DIP2C: variants seen among roughly 807,000 people sequenced by gnomAD.
The protein encoded by DIP2C is DIP2 acetate--CoA ligase C (putative).
Under a neutral mutation model 192.4 loss-of-function variants are expected in DIP2C, and 33 were observed. That is an observed-to-expected ratio of 0.17 (90% CI 0.13 to 0.23). The LOEUF is 0.23. DIP2C is among the 10% of genes least tolerant of loss of function. The pLI is 1.00. For synonymous variants in DIP2C, 979 were observed against 864.1 expected, an observed-to-expected ratio of 1.13 and a Z score of -2.33; for missense variants, 1,537 against 2,110.1, an observed-to-expected ratio of 0.73 and a Z score of 5.32.
At chr10:514,114 C>A (rs1376554703) in intron 1 of DIP2C, among the ~76,000 whole-genome samples, 1 of 152,170 alleles carries the variant, frequency 6.6e-6, no homozygotes, top group Non-Finnish European at 1.5e-5. Context: ...CTGGCCACCT[C>A]GGGGGGACAG....
intron 1 of DIP2C, among the ~76,000 whole-genome samples, chr10:559,673 G>C (rs939339862): frequency 2.6e-5 from 4 of 152,174 alleles, no homozygotes; most frequent in Admixed American, 2.0e-4. Flanking sequence ...AAGGAGTACA[G>C]ACCAGCTACC....
At chr10:412,240 C>T (rs1284191315) in intron 8 of DIP2C, among the ~76,000 whole-genome samples, 1 of 152,174 alleles carries the variant, frequency 6.6e-6, no homozygotes, top group Non-Finnish European at 1.5e-5. Flanking sequence ...AGTTCTGTGC[C>T]AATGCATACT....
intron 4 of DIP2C, among the ~76,000 whole-genome samples, chr10:432,240 T>C (rs1281168225): frequency 1.3e-5 from 2 of 152,234 alleles, no homozygotes; most frequent in African/African-American, 4.8e-5. Context: ...TCAGCTTTTA[T>C]GTTCTGAAAG....
intron 1 of DIP2C, among the ~76,000 whole-genome samples, chr10:511,065 A>G (rs1845981791): frequency 6.6e-6 from 1 of 152,224 alleles, no homozygotes; most frequent in South Asian, 2.1e-4. Flanking sequence ...GACACACGTA[A>G]GTCTTTCTTG....
At chr10:409,126 G>C in intron 8 of DIP2C, 109 bp from the exon 9 acceptor site, 1 of 1,065,994 alleles carries the variant, frequency 9.4e-7, no homozygotes, top group Non-Finnish European at 1.3e-6. Flanking sequence ...GCGTATCATG[G>C]TCTGCAAGCG....
In DIP2C at chr10:651,448, T is replaced by C. The variant is rs964116469; in HGVS notation, c.85+38046A>G. On this transcript the variant is annotated intron_variant, in intron 1 of 36. Transcript: ENST00000280886. The surrounding 1 kb of genome is among the most constrained non-coding windows in gnomAD (Gnocchi z 4.1). ...AGTATGTTAAGTCGTTAAGTAAAAA[T>C]AGCAGAAGACTTAGTAGAATGTATG... 2.1e-4 allele frequency: 144 copies of C among 676,914 alleles called. No homozygotes were observed. In the Admixed American group the frequency reaches 2.9e-3, roughly 14 times the overall value. 41.9% of individuals were successfully genotyped at this position (676,914 alleles called of 1,614,324 possible). A position where few individuals can be genotyped will look rare whatever the true frequency, so the allele number is the denominator to read the frequency against.
chr10:513,765 T>A (rs1021988064), intron 1 of DIP2C, among the ~76,000 whole-genome samples: 4 of 151,958 alleles, frequency 2.6e-5, no homozygotes, highest in Non-Finnish European at 5.9e-5. Flanking sequence ...TTGTAACTGG[T>A]AGAATCATGT....
Position 400,725 on chromosome 10 carries a change from GTAGCAT to G in DIP2C, c.1150-1512_1150-1507del, listed in dbSNP as rs552654147. Reference sequence around the variant, plus strand: ...TGAATCCTGTGATTTTACACGTGTGGTAGCATTAGCATTACTCTTCTTTATGGACAA... The same window carrying G: ...TGAATCCTGTGATTTTACACGTGTGGTAGCATTACTCTTCTTTATGGACAA... On this transcript the variant is annotated intron_variant, in intron 9 of 36. Coordinates refer to ENST00000280886, the MANE Select transcript of DIP2C (RefSeq NM_014974.3). Among the ~76,000 whole-genome samples, 1,118 of 150,628 alleles carry G rather than the reference GTAGCAT, an allele frequency of 7.4e-3. 17 individuals are homozygous for G. The highest frequency in any genetic ancestry group is 0.027 in the African/African-American group (1,082 of 40,780).
At chr10:492,132 G>A (rs1844492460) in intron 1 of DIP2C, among the ~76,000 whole-genome samples, 1 of 152,196 alleles carries the variant, frequency 6.6e-6, no homozygotes, top group Non-Finnish European at 1.5e-5. Context: ...AGACGCCGCG[G>A]GCCCCCGTGT....
At chr10:525,537 G>A (rs1470234445) in intron 1 of DIP2C, among the ~76,000 whole-genome samples, 2 of 152,152 alleles carry the variant, frequency 1.3e-5, no homozygotes, top group African/African-American at 4.8e-5. Context: ...GTAAAAATTC[G>A]AGCTGATTGG....
At chr10:290,923 C>T (rs562109394) in intron 32 of DIP2C, among the ~76,000 whole-genome samples, 1 of 152,360 alleles carries the variant, frequency 6.6e-6, no homozygotes, top group African/African-American at 2.4e-5. Flanking sequence ...GGAGCTGTCG[C>T]TACAGGGATG....
At chr10:359,857 C>A (rs1959233101) in intron 22 of DIP2C, among the ~76,000 whole-genome samples, 1 of 152,182 alleles carries the variant, frequency 6.6e-6, no homozygotes, top group Non-Finnish European at 1.5e-5. Context: ...CTGGGCTCCA[C>A]TGATTCTCCC....
chr10:370,600 T>C (rs1159242701), intron 17 of DIP2C, among the ~76,000 whole-genome samples: 2 of 152,224 alleles, frequency 1.3e-5, no homozygotes, highest in Non-Finnish European at 2.9e-5. Flanking sequence ...TGTCTAGCAA[T>C]GAATAGCTGC....
At chr10:583,654 G>A (rs777461791) in intron 1 of DIP2C, among the ~76,000 whole-genome samples, 1 of 152,196 alleles carries the variant, frequency 6.6e-6, no homozygotes, top group Non-Finnish European at 1.5e-5. Context: ...ATCTGTGCAC[G>A]CCAAGCAGCT....
At chr10:548,261 G>C (rs1034485885) in intron 1 of DIP2C, among the ~76,000 whole-genome samples, 2 of 146,402 alleles carry the variant, frequency 1.4e-5, no homozygotes, top group Non-Finnish European at 3.0e-5. Flanking sequence ...CCCCCAGGTG[G>C]GTAAGGAGAG....
At chr10:414,737 GTGTACA>G (rs1346250902) in intron 7 of DIP2C, among the ~76,000 whole-genome samples, 615 of 55,810 alleles carry the variant, frequency 0.011, 32 homozygotes, top group African/African-American at 0.032. Context: ...GTGTGTGTGT[GTGTACA>G]TATATATATA....
At chr10:451,757 T>A (rs1317243493) in intron 3 of DIP2C, among the ~76,000 whole-genome samples, 1 of 152,170 alleles carries the variant, frequency 6.6e-6, no homozygotes, top group Non-Finnish European at 1.5e-5. Flanking sequence ...TAGTGCTTGA[T>A]GGAATGAGGC....
At chr10:406,088 C>A (rs541729411) in intron 9 of DIP2C, among the ~76,000 whole-genome samples, 4 of 152,302 alleles carry the variant, frequency 2.6e-5, no homozygotes, top group African/African-American at 7.2e-5. Flanking sequence ...TAGAGGAACA[C>A]AGGAGTTTAT....
chr10:446,529 A>T (rs1968235546), intron 3 of DIP2C, among the ~76,000 whole-genome samples: 1 of 152,216 alleles, frequency 6.6e-6, no homozygotes, highest in Non-Finnish European at 1.5e-5. Context: ...GTCTTCGGTA[A>T]ATCAAGTGTC....
Sources: allele counts gnomAD v4.1 joint callset (sites outside exome capture counted in the v4.1 genomes callset), GRCh38; gene constraint gnomAD v4.1.1; non-coding constraint Gnocchi (gnomAD v3.1); transcripts MANE v1.5; gene names NCBI Gene and HGNC (gene_info 2026-07-23, HGNC 2026-07-21).